ZNF804B: variants seen among roughly 807,000 people sequenced by gnomAD.
ZNF804B encodes zinc finger protein 804B.
A neutral mutation model predicts 101.4 loss-of-function variants in ZNF804B; 80 were observed. The ratio of observed to expected loss-of-function variants is 0.79; its 90% CI spans 0.66 to 0.95. The LOEUF (loss-of-function observed/expected upper bound fraction) is 0.95. ZNF804B is among the 40% of genes least tolerant of loss of function. The pLI, the probability that ZNF804B is intolerant of heterozygous loss-of-function variation, is 0.00. For synonymous variants in ZNF804B, 622 were observed against 558.8 expected (o/e 1.11, Z -1.59); for missense variants, 1,673 against 1,561.9 (o/e 1.07, Z -1.20).
intron 1 of ZNF804B, among the ~76,000 whole-genome samples, chr7:88,772,698 G>C (rs941459888): frequency 6.6e-6 from 1 of 152,134 alleles, no homozygotes; most frequent in Non-Finnish European, 1.5e-5. Flanking sequence ...ATCTTGTTGA[G>C]TGCTGTTTCA....
intron 1 of ZNF804B, among the ~76,000 whole-genome samples, chr7:89,117,710 A>T (rs1230240582): frequency 6.6e-6 from 1 of 152,144 alleles, no homozygotes; most frequent in Non-Finnish European, 1.5e-5. Flanking sequence ...CAGTGAGAAA[A>T]TTTTTTATTC....
chr7:88,908,765 G>A (rs1792507643), intron 1 of ZNF804B, among the ~76,000 whole-genome samples: 1 of 151,722 alleles, frequency 6.6e-6, no homozygotes, highest in African/African-American at 2.4e-5. Context: ...TTCATTCAAG[G>A]TAGCATAATG....
chr7:88,989,299 T>C (rs1045452089), intron 1 of ZNF804B, among the ~76,000 whole-genome samples: 2 of 152,062 alleles, frequency 1.3e-5, no homozygotes. Flanking sequence ...ATCTCCAGGG[T>C]TGGCAACCAT....
intron 1 of ZNF804B, among the ~76,000 whole-genome samples, chr7:89,070,144 G>A (rs936376439): frequency 3.3e-5 from 5 of 152,222 alleles, no homozygotes; most frequent in African/African-American, 1.2e-4. Context: ...TCTGTGTTAT[G>A]AAGTAAAGTG....
chr7:88,806,706 TAGAA>T (rs1790698466), intron 1 of ZNF804B, among the ~76,000 whole-genome samples: 3 of 152,074 alleles, frequency 2.0e-5, no homozygotes, highest in Non-Finnish European at 4.4e-5. Flanking sequence ...ATTATCATAG[TAGAA>T]AGAAAGCATA....
intron 2 of ZNF804B, among the ~76,000 whole-genome samples, chr7:89,290,288 A>G (rs1047880849): frequency 6.6e-6 from 1 of 152,138 alleles, no homozygotes; most frequent in African/African-American, 2.4e-5. Flanking sequence ...ACATTCCAAG[A>G]TCTGATGGCT....
At chr7:88,874,770 G>A (rs143554351) in intron 1 of ZNF804B, among the ~76,000 whole-genome samples, 1 of 151,760 alleles carries the variant, frequency 6.6e-6, no homozygotes, top group Admixed American at 6.6e-5. Context: ...AGTCAACAAG[G>A]ATACCCAGGA....
intron 1 of ZNF804B, among the ~76,000 whole-genome samples, chr7:88,996,841 A>G (rs1035417783): frequency 6.6e-6 from 1 of 152,082 alleles, no homozygotes; most frequent in Non-Finnish European, 1.5e-5. Flanking sequence ...AAGTACAAAG[A>G]TGGTTGAAAT....
intron 1 of ZNF804B, chr7:88,794,390 G>A (rs202025178): frequency 8.7e-6 from 14 of 1,613,824 alleles, no homozygotes; most frequent in Middle Eastern, 1.7e-4. Flanking sequence ...GTCTGGCAAA[G>A]GTAGAGTGAC....
chr7:88,818,396 A>G lies in ZNF804B; in HGVS notation c.108+58312A>G, dbSNP rs530172255. ...TTTGGAAGCAAAGGGGATAATAATT[A>G]TGTCCATTTTTTTCTTAGAAAAATA... is the stretch of plus-strand genomic sequence containing the variant. On this transcript the variant is annotated intron_variant, in intron 1 of 3. Transcript: ENST00000333190. Among the ~76,000 whole-genome samples, 29 of 152,280 alleles carry G rather than the reference A, an allele frequency of 1.9e-4. No individual in the cohort carries two copies. In the Middle Eastern group the frequency reaches 0.01, roughly 54 times the overall value.
chr7:88,865,507 G>A (rs562358600), intron 1 of ZNF804B, among the ~76,000 whole-genome samples: 2 of 152,200 alleles, frequency 1.3e-5, no homozygotes, highest in East Asian at 3.9e-4. Context: ...ACTCCATCCT[G>A]GGTGACAGAG....
rs768549047 is a variant in ZNF804B at position 88,759,992 on chromosome 7, G to A, written c.16G>A (p.Val6Ile). Reference protein sequence around the residue: MACYLVISSRHLSNGH... With the variant: MACYLIISSRHLSNGH... ...CCGGACCCACATGGCTTGTTACCTG[G>A]TCATCAGTTCGAGACATCTCAGCAA... Residue 6 changes from valine to isoleucine, a missense_variant, in exon 1 of 4, where the codon GTC (valine) becomes ATC (isoleucine). By Grantham distance (29) the Val-to-Ile change is conservative. Coordinates refer to ENST00000333190, the MANE Select transcript of ZNF804B (RefSeq NM_181646.5). 2 of 1,614,178 alleles carry A rather than the reference G, an allele frequency of 1.2e-6. No individual in the cohort carries two copies. The highest frequency in any genetic ancestry group is 2.2e-5 in the South Asian group (2 of 91,086).
chr7:89,337,871 C>T lies in ZNF804B; in HGVS notation c.*839C>T, dbSNP rs1346961472. ...AGGAACTAAAATATTGTTTATTATT[C>T]TTCTACTCAAAAATTTTACTACGTT... On this transcript the variant is annotated 3_prime_UTR_variant, in exon 4 of 4. Transcript: ENST00000333190. Among the ~76,000 whole-genome samples, 1 of 151,870 alleles carries T rather than the reference C, an allele frequency of 6.6e-6. No homozygotes were observed. Among genetic ancestry groups the T allele is most frequent in the Non-Finnish European group, 1.5e-5 (1 of 67,890 alleles).
chr7:89,132,521 G>A (rs6951573), intron 1 of ZNF804B, among the ~76,000 whole-genome samples: 36,524 of 151,866 alleles, frequency 0.24, 6,143 homozygotes, highest in African/African-American at 0.49. Flanking sequence ...TTACCTGAGA[G>A]TCTCAGCTCC....
At chr7:89,238,662 A>G (rs1399373739) in intron 2 of ZNF804B, among the ~76,000 whole-genome samples, 2 of 152,234 alleles carry the variant, frequency 1.3e-5, no homozygotes, top group Non-Finnish European at 2.9e-5. Context: ...CCAAGGGGCA[A>G]ATAAAGCTTG....
At chr7:89,188,488 C>A (rs59586608) in intron 1 of ZNF804B, among the ~76,000 whole-genome samples, 36,810 of 151,980 alleles carry the variant, frequency 0.24, 4,639 homozygotes, top group Non-Finnish European at 0.27. Context: ...AGTCATAGTT[C>A]TCTCACTTCA....
intron 3 of ZNF804B, among the ~76,000 whole-genome samples, chr7:89,329,422 G>GA (rs958176270): frequency 2.6e-5 from 4 of 151,552 alleles, no homozygotes; most frequent in Admixed American, 6.6e-5. Flanking sequence ...AAAATAAAAA[G>GA]AAAAAATCAC....
At chr7:89,073,386 A>AT (rs1420206793) in intron 1 of ZNF804B, among the ~76,000 whole-genome samples, 1 of 152,152 alleles carries the variant, frequency 6.6e-6, no homozygotes, top group African/African-American at 2.4e-5. Context: ...ACTCTGATAG[A>AT]TTTTCAGTAG....
At chr7:89,284,939 C>G (rs73401104) in intron 2 of ZNF804B, among the ~76,000 whole-genome samples, 2,004 of 152,162 alleles carry the variant, frequency 0.013, 47 homozygotes, top group East Asian at 0.1. Context: ...CAGCTCATAC[C>G]TGTAATCTCA....
Sources: gnomAD v4.1 joint callset for allele counts (sites outside exome capture counted in the v4.1 genomes callset) on GRCh38, gnomAD v4.1.1 for gene constraint, MANE v1.5 for transcripts, NCBI Gene and HGNC (gene_info 2026-07-23, HGNC 2026-07-21) for gene names.